Variants in TNFAIP8 observed in about 807,000 individuals in gnomAD.
TNFAIP8 encodes tumor necrosis factor alpha-induced protein 8.
Under a neutral mutation model 13.3 loss-of-function variants are expected in TNFAIP8, and 7 were observed. The observed-to-expected ratio is 0.52, with a 90% CI of 0.30 to 0.99. The LOEUF is 0.99. Among genes scored for constraint, TNFAIP8 ranks in the 50% least tolerant of loss-of-function variants. TNFAIP8 has a pLI of 0.07. For missense variants in TNFAIP8, 258 were observed against 236.9 expected (o/e 1.09, Z -0.58); for synonymous variants, 94 against 87.6 (o/e 1.07, Z -0.41).
chr5:119,278,348 A>AGAGG (rs149216428), intron 1 of TNFAIP8, among the ~76,000 whole-genome samples: 25 of 1,404 alleles, frequency 0.018, no homozygotes, highest in South Asian at 0.1. Flanking sequence ...TAAGACAGGA[A>AGAGG]GGGGGAGAGA....
At chr5:119,293,193 T>A (rs1289895621) in intron 1 of TNFAIP8, among the ~76,000 whole-genome samples, 1 of 152,214 alleles carries the variant, frequency 6.6e-6, no homozygotes. Context: ...ACATCCCTTT[T>A]TTTTCATATG....
At chr5:119,278,267 A>T (rs1427122153) in intron 1 of TNFAIP8, among the ~76,000 whole-genome samples, 1 of 151,874 alleles carries the variant, frequency 6.6e-6, no homozygotes, top group East Asian at 1.9e-4. Flanking sequence ...TTTTATCTGC[A>T]GACTTGCCTC....
intron 1 of TNFAIP8, among the ~76,000 whole-genome samples, chr5:119,362,439 G>C (rs914718144): frequency 2.0e-5 from 3 of 152,174 alleles, no homozygotes; most frequent in African/African-American, 7.2e-5. Flanking sequence ...TCATGACTTT[G>C]TTCCTGGTTG....
At position 119,333,377 on chromosome 5, in the gene TNFAIP8, C is replaced by T. The variant is rs929838054; in HGVS notation, c.2-59439C>T. 24 of 1,319,244 alleles carry T rather than the reference C, an allele frequency of 1.8e-5. No individual in the cohort carries two copies. In the African/African-American group the frequency reaches 3.4e-4, roughly 19 times the overall value. 81.7% of individuals were successfully genotyped at this position (1,319,244 alleles called of 1,614,324 possible). A position where few individuals can be genotyped will look rare whatever the true frequency, so the allele number is the denominator to read the frequency against. ...GCTCCCAGAATAACAAGCAAGACAACTTTCAAAGTGACTGTAGTTGACCAG... is the reference window on the plus strand; with the variant it reads ...GCTCCCAGAATAACAAGCAAGACAATTTTCAAAGTGACTGTAGTTGACCAG... On this transcript the variant is annotated intron_variant, in intron 1 of 1. Transcript: ENST00000274456.
intron 1 of TNFAIP8, among the ~76,000 whole-genome samples, chr5:119,321,141 C>T (rs980152765): frequency 3.3e-5 from 5 of 152,050 alleles, no homozygotes; most frequent in Admixed American, 6.5e-5. Context: ...GGTGTGCACC[C>T]GGGAGGCGGA....
rs369031038 is a variant in TNFAIP8 at position 119,365,926 on chromosome 5, T to C, written c.31+9805T>C. Among the ~76,000 whole-genome samples, 47 of 152,234 alleles carry C rather than the reference T, an allele frequency of 3.1e-4. 1 individual carries two copies. Among genetic ancestry groups the C allele is most frequent in the East Asian group, 1.9e-3 (10 of 5,178 alleles). ...CACTGTAAGGGAAAGGAAATAATTATTGGGAAATCAAAATAGCAAAGAAAG... is the reference window on the plus strand; with the variant it reads ...CACTGTAAGGGAAAGGAAATAATTACTGGGAAATCAAAATAGCAAAGAAAG... On this transcript the variant is annotated intron_variant, in intron 1 of 1. Transcript: ENST00000504771.
intron 1 of TNFAIP8, among the ~76,000 whole-genome samples, chr5:119,278,246 G>C (rs1748516361): frequency 6.6e-6 from 1 of 151,976 alleles, no homozygotes; most frequent in African/African-American, 2.4e-5. Context: ...CTCATCCTTA[G>C]CATGTTACAT....
At chr5:119,301,363 G>T (rs56319623) in intron 1 of TNFAIP8, among the ~76,000 whole-genome samples, 1 of 151,776 alleles carries the variant, frequency 6.6e-6, no homozygotes, top group Non-Finnish European at 1.5e-5. Context: ...TCCCTTGTCC[G>T]CCTTCTTTAC....
At chr5:119,332,252 T>G (rs1053932671) in intron 1 of TNFAIP8, among the ~76,000 whole-genome samples, 1 of 152,190 alleles carries the variant, frequency 6.6e-6, no homozygotes, top group Admixed American at 6.5e-5. Flanking sequence ...TTGAGAACTC[T>G]ATGTGCATCA....
At chr5:119,356,608 A>AT (rs1041885289) in intron 1 of TNFAIP8, among the ~76,000 whole-genome samples, 15 of 150,582 alleles carry the variant, frequency 1.0e-4, no homozygotes, top group African/African-American at 3.4e-4. Context: ...AAATAGATTA[A>AT]TTTTTTTTCA....
intron 1 of TNFAIP8, among the ~76,000 whole-genome samples, chr5:119,311,695 A>AAAAAAAAAAAAAAAAAAAAAAC (rs1749735413): frequency 6.7e-6 from 1 of 149,158 alleles, no homozygotes; most frequent in African/African-American, 2.4e-5. Flanking sequence ...TCTCAAAAAA[A>AAAAAAAAAAAAAAAAAAAAAAC]AAAAAAAAAA....
At chr5:119,351,081 T>C (rs911753323), upstream of TNFAIP8, among the ~76,000 whole-genome samples, 3 of 151,704 alleles carry the variant, frequency 2.0e-5, no homozygotes, top group Non-Finnish European at 4.4e-5. Context: ...TGGAATTCAG[T>C]GTATGATCAT....
intron 1 of TNFAIP8, among the ~76,000 whole-genome samples, chr5:119,367,884 A>G (rs1751921163): frequency 6.6e-6 from 1 of 152,138 alleles, no homozygotes; most frequent in Non-Finnish European, 1.5e-5. Context: ...TATTATATAG[A>G]TTGAAATTTA....
intron 1 of TNFAIP8, among the ~76,000 whole-genome samples, chr5:119,279,198 A>C (rs1209171976): frequency 6.6e-6 from 1 of 152,232 alleles, no homozygotes; most frequent in Admixed American, 6.5e-5. Flanking sequence ...AGGTTAAGTA[A>C]CATGCTGTGA....
At chr5:119,293,739 G>T (rs975315417) in intron 1 of TNFAIP8, among the ~76,000 whole-genome samples, 2 of 152,164 alleles carry the variant, frequency 1.3e-5, no homozygotes. Context: ...GAGTCAAGGG[G>T]TAGAGAGGTA....
intron 1 of TNFAIP8, among the ~76,000 whole-genome samples, chr5:119,302,220 G>C (rs1449508930): frequency 1.3e-5 from 2 of 152,204 alleles, no homozygotes; most frequent in African/African-American, 4.8e-5. Flanking sequence ...TTAAGGTATA[G>C]CTTCCCTGTA....
chr5:119,387,113 G>A (rs1051298578), intron 1 of TNFAIP8, among the ~76,000 whole-genome samples: 3 of 152,056 alleles, frequency 2.0e-5, no homozygotes, highest in East Asian at 1.9e-4. Flanking sequence ...TACTCCGAGC[G>A]TTCATTGCTT....
intron 1 of TNFAIP8, among the ~76,000 whole-genome samples, chr5:119,314,060 A>G (rs1236018189): frequency 1.3e-5 from 2 of 152,230 alleles, no homozygotes; most frequent in African/African-American, 4.8e-5. Flanking sequence ...CTGTGTCATG[A>G]CACATGCCTG....
chr5:119,287,719 A>G (rs965520577), intron 1 of TNFAIP8, among the ~76,000 whole-genome samples: 1 of 152,184 alleles, frequency 6.6e-6, no homozygotes, highest in Non-Finnish European at 1.5e-5. Flanking sequence ...ATATGTGTTA[A>G]CGAATGACTT....
Sources: allele counts gnomAD v4.1 joint callset (sites outside exome capture counted in the v4.1 genomes callset), GRCh38; gene constraint gnomAD v4.1.1; transcripts MANE v1.5; gene names NCBI Gene and HGNC (gene_info 2026-07-23, HGNC 2026-07-21).